Variants in PCLO observed in about 807,000 individuals in gnomAD.
The protein encoded by PCLO is piccolo presynaptic cytomatrix protein.
A neutral mutation model predicts 427.5 loss-of-function variants in PCLO; 82 were observed. The ratio of observed to expected loss-of-function variants is 0.19; its 90% CI spans 0.16 to 0.23. The LOEUF (loss-of-function observed/expected upper bound fraction) is 0.23, where lower values mean the gene tolerates loss of function less well. Among genes scored for constraint, PCLO ranks in the 10% least tolerant of loss-of-function variants. PCLO has a pLI of 1.00. For missense variants in PCLO, 6,239 were observed against 6,115.9 expected, an observed-to-expected ratio of 1.02 and a Z score of -0.67; for synonymous variants, 2,357 against 2,155.4, an observed-to-expected ratio of 1.09 and a Z score of -2.59.
intron 22 of PCLO, among the ~76,000 whole-genome samples, chr7:82,765,019 T>C (rs1241075202): frequency 3.9e-5 from 6 of 152,032 alleles, no homozygotes; most frequent in East Asian, 3.9e-4. Flanking sequence ...TGATCATATA[T>C]TGAGTTACAA....
intron 3 of PCLO, among the ~76,000 whole-genome samples, chr7:83,081,249 C>T (rs1442546069): frequency 6.6e-6 from 1 of 151,894 alleles, no homozygotes; most frequent in African/African-American, 2.4e-5. Flanking sequence ...AAGACCAGGA[C>T]CTCACAACAT....
intron 9 of PCLO, among the ~76,000 whole-genome samples, chr7:82,900,408 A>G (rs1305415086): frequency 6.6e-6 from 1 of 151,778 alleles, no homozygotes; most frequent in African/African-American, 2.4e-5. Flanking sequence ...TAAATTAAAT[A>G]TATATTTGAA....
At chr7:83,107,963 A>G (rs6975538) in intron 3 of PCLO, among the ~76,000 whole-genome samples, 66,969 of 141,236 alleles carry the variant, frequency 0.47, 16,929 homozygotes, top group African/African-American at 0.65. Context: ...CACTCCAGCC[A>G]GGTGACAGAG....
chr7:82,868,229 T>C (rs1793144220), intron 10 of PCLO: 1 of 456,442 alleles, frequency 2.2e-6, no homozygotes, highest in Admixed American at 2.4e-5. Flanking sequence ...TAAGCAGAAA[T>C]AGAGACTTTC....
chr7:82,902,604 C>A (rs374326569), intron 9 of PCLO, 47 bp downstream of exon 9: 1 of 1,124,634 alleles, frequency 8.9e-7, no homozygotes, highest in African/African-American at 1.6e-5. Flanking sequence ...CAAAACAAAA[C>A]AAAACAAAAA....
At chr7:82,944,083 G>A (rs1795145141) in intron 6 of PCLO, among the ~76,000 whole-genome samples, 1 of 139,106 alleles carries the variant, frequency 7.2e-6, no homozygotes, top group South Asian at 2.4e-4. Flanking sequence ...GGAGTTGCAG[G>A]TGAAGTGAGA....
At chr7:83,124,706 T>TACTCTC (rs1562976114) in intron 3 of PCLO, among the ~76,000 whole-genome samples, 4 of 152,094 alleles carry the variant, frequency 2.6e-5, no homozygotes, top group Non-Finnish European at 5.9e-5. Context: ...AAGACATATA[T>TACTCTC]GCTCTCCCTC....
At chr7:82,821,449 G>T (rs920459290) in intron 20 of PCLO, 2 of 985,388 alleles carry the variant, frequency 2.0e-6, no homozygotes, top group Non-Finnish European at 2.4e-6. Flanking sequence ...AGCACTAAAG[G>T]GGTTTAAAAC....
chr7:83,002,526 C>T (rs2115931791), intron 3 of PCLO, among the ~76,000 whole-genome samples: 1 of 151,888 alleles, frequency 6.6e-6, no homozygotes, highest in Admixed American at 6.6e-5. Context: ...TTTAATTTGG[C>T]TTTAATACAA....
intron 9 of PCLO, among the ~76,000 whole-genome samples, chr7:82,895,769 A>T (rs529457114): frequency 1.3e-5 from 2 of 152,044 alleles, no homozygotes; most frequent in Admixed American, 1.3e-4. Flanking sequence ...AAGAAGAAAG[A>T]GAACATTTAA....
intron 3 of PCLO, among the ~76,000 whole-genome samples, chr7:83,059,376 A>T (rs916888199): frequency 8.6e-6 from 1 of 116,918 alleles, no homozygotes; most frequent in African/African-American, 4.2e-5. Context: ...ATATATATAT[A>T]TATAAAAATG....
intron 4 of PCLO, 33 bp downstream of exon 4, chr7:82,965,738 G>C (rs1346092213): frequency 7.1e-7 from 1 of 1,399,134 alleles, no homozygotes; most frequent in Non-Finnish European, 9.9e-7. Context: ...TTTCACACAT[G>C]AGAGTGTGAG....
intron 14 of PCLO, 29 bp from the exon 15 acceptor site, chr7:82,838,371 G>T: frequency 7.6e-7 from 1 of 1,312,394 alleles, no homozygotes; most frequent in Non-Finnish European, 1.0e-6. Context: ...TATTCCATAA[G>T]TTTTTAAAAG....
chr7:82,822,358 TACAC>T (rs1791814609), intron 20 of PCLO, 133 bp downstream of exon 20: 1 of 1,552,768 alleles, frequency 6.4e-7, no homozygotes. Flanking sequence ...ATATCGTTCT[TACAC>T]AGACAAAGGG....
chr7:82,783,430 C>T (rs1370658913), intron 22 of PCLO, among the ~76,000 whole-genome samples: 1 of 152,082 alleles, frequency 6.6e-6, no homozygotes, highest in East Asian at 1.9e-4. Flanking sequence ...CCGGCTAACA[C>T]GGTGAAGCCC....
intron 3 of PCLO, among the ~76,000 whole-genome samples, chr7:83,084,665 T>G (rs1459742085): frequency 6.6e-6 from 1 of 152,188 alleles, no homozygotes; most frequent in Non-Finnish European, 1.5e-5. Context: ...TACATTTGTT[T>G]TTATTCTTGC....
intron 10 of PCLO, among the ~76,000 whole-genome samples, chr7:82,862,872 T>TG (rs1792995802): frequency 6.6e-6 from 1 of 151,816 alleles, no homozygotes; most frequent in Non-Finnish European, 1.5e-5. Flanking sequence ...AGTAGGGAGT[T>TG]GGAGGGAAGG....
chr7:83,070,513 G>C (rs1024049158), intron 3 of PCLO, among the ~76,000 whole-genome samples: 4 of 150,950 alleles, frequency 2.6e-5, no homozygotes, highest in Non-Finnish European at 4.4e-5. Context: ...TCAGCCTCCC[G>C]AGTAGCTGCG....
Position 82,951,209 on chromosome 7 carries a change from C to T in PCLO, c.9379G>A (p.Val3127Met). 2.5e-6 allele frequency: 4 copies of T among 1,613,624 alleles called. No homozygotes were observed. The South Asian group carries it at 4.4e-5, about 18-fold the overall frequency. ...DLSGIHTADAVTSLPAMHHSQ... is the reference protein window; with the variant it reads ...DLSGIHTADAMTSLPAMHHSQ... ...TGGTGCATGGCAGGTAATGAAGTCA[C>T]TGCATCAGCCGTATGAATACCAGAC... Residue 3127 changes from valine (V) to methionine (M), a missense_variant, in exon 6 of 25, where the codon GTG becomes ATG. By Grantham distance (21) the Val-to-Met change is conservative (BLOSUM62 1). Transcript: ENST00000333891.
Sources: gnomAD v4.1 joint callset for allele counts (sites outside exome capture counted in the v4.1 genomes callset) on GRCh38, gnomAD v4.1.1 for gene constraint, MANE v1.5 for transcripts, NCBI Gene and HGNC (gene_info 2026-07-23, HGNC 2026-07-21) for gene names.